The following GRID2 variants were observed in gnomAD, a reference collection of about 807,000 sequenced individuals.
The protein encoded by GRID2 is glutamate receptor ionotropic, delta-2.
Under a neutral mutation model 114.8 loss-of-function variants are expected in GRID2, and 33 were observed. That is an observed-to-expected ratio of 0.29 (90% CI 0.22 to 0.38). The LOEUF is 0.38. Ranked by LOEUF, GRID2 falls within the 10% of genes least tolerant of loss-of-function variation. The pLI is 1.00. For synonymous variants in GRID2, 505 were observed against 449.9 expected (o/e 1.12, Z -1.55); for missense variants, 1,184 against 1,257.7 (o/e 0.94, Z 0.89).
intron 2 of GRID2, among the ~76,000 whole-genome samples, chr4:93,007,344 T>TA (rs938477328): frequency 2.1e-4 from 32 of 151,188 alleles, no homozygotes; most frequent in African/African-American, 3.2e-4. Context: ...AAGGATATTT[T>TA]AAAAAAAAAC....
chr4:92,683,826 T>G (rs2149286738), intron 2 of GRID2, among the ~76,000 whole-genome samples: 1 of 151,994 alleles, frequency 6.6e-6, no homozygotes, highest in East Asian at 1.9e-4. Flanking sequence ...TCTTTCTTAA[T>G]TTTTAAATAT....
At chr4:92,829,504 T>C (rs1306383690) in intron 2 of GRID2, among the ~76,000 whole-genome samples, 2 of 152,122 alleles carry the variant, frequency 1.3e-5, no homozygotes, top group East Asian at 3.9e-4. Flanking sequence ...GTAAATTAGT[T>C]GAACCATTGT....
At chr4:93,417,650 T>A (rs1767855912) in intron 9 of GRID2, among the ~76,000 whole-genome samples, 2 of 151,956 alleles carry the variant, frequency 1.3e-5, no homozygotes, top group South Asian at 4.2e-4. Flanking sequence ...ACGTGTGAAT[T>A]CTTAAATAAT....
chr4:93,463,906 G>C (rs10007755), intron 11 of GRID2, among the ~76,000 whole-genome samples: 2 of 151,536 alleles, frequency 1.3e-5, no homozygotes, highest in Non-Finnish European at 2.9e-5. Flanking sequence ...GGAGAATGGC[G>C]TGAACCTGGG....
At chr4:92,955,630 A>G (rs1171009955) in intron 2 of GRID2, among the ~76,000 whole-genome samples, 1 of 151,896 alleles carries the variant, frequency 6.6e-6, no homozygotes, top group East Asian at 1.9e-4. Context: ...ATTAGACCCC[A>G]TTTGTCAATT....
chr4:92,343,478 C>T (rs1036735493), intron 1 of GRID2, among the ~76,000 whole-genome samples: 1 of 152,154 alleles, frequency 6.6e-6, no homozygotes, highest in Middle Eastern at 3.4e-3. Context: ...CTTAACTACT[C>T]ATAGCCTACT....
At chr4:93,247,209 C>T (rs1354648342) in intron 8 of GRID2, among the ~76,000 whole-genome samples, 1 of 152,120 alleles carries the variant, frequency 6.6e-6, no homozygotes, top group Non-Finnish European at 1.5e-5. Context: ...ACTATAAAAT[C>T]TGAACTGTTT....
At chr4:93,112,059 T>C (rs1324257909) in intron 4 of GRID2, 1 of 152,130 alleles carries the variant, frequency 6.6e-6, no homozygotes, top group Non-Finnish European at 1.5e-5. Flanking sequence ...CATTTTTTCA[T>C]AATATAAAAT....
intron 2 of GRID2, among the ~76,000 whole-genome samples, chr4:93,060,113 G>T (rs919632178): frequency 3.3e-5 from 5 of 151,836 alleles, no homozygotes; most frequent in African/African-American, 1.2e-4. Flanking sequence ...AGTTTGCTTT[G>T]GCATGAAATG....
chr4:93,608,067 A>C (rs370451355), intron 13 of GRID2, among the ~76,000 whole-genome samples: 2 of 140,430 alleles, frequency 1.4e-5, no homozygotes, highest in South Asian at 2.2e-4. Flanking sequence ...TACGTATATA[A>C]GTATATATAT....
At chr4:93,155,243 T>A (rs1411150525) in intron 4 of GRID2, among the ~76,000 whole-genome samples, 1 of 151,928 alleles carries the variant, frequency 6.6e-6, no homozygotes, top group Non-Finnish European at 1.5e-5. Context: ...ATCCTTGAAA[T>A]CATGTTATAT....
intron 1 of GRID2, among the ~76,000 whole-genome samples, chr4:92,519,698 A>G (rs1724674507): frequency 6.6e-6 from 1 of 151,748 alleles, no homozygotes; most frequent in African/African-American, 2.4e-5. Context: ...AAGTCCCAAG[A>G]TCTCCATTTA....
In GRID2 at chr4:93,281,401, C is replaced by A. The variant is rs564698560; in HGVS notation, c.1245+42911C>A. ...GCAAGAGTGAAAGTCAGAGAAAAAA[C>A]AGGGAGAGAACAGTCATTGCAGGAA... On this transcript the variant is annotated intron_variant, in intron 8 of 15. Transcript: ENST00000282020. 2.0e-5 allele frequency among the ~76,000 whole-genome samples: 3 copies of A among 151,866 alleles called. No homozygotes were observed. In the South Asian group the frequency reaches 6.2e-4, roughly 32 times the overall value.
chr4:92,712,683 G>A (rs1333517555), intron 2 of GRID2, among the ~76,000 whole-genome samples: 1 of 151,948 alleles, frequency 6.6e-6, no homozygotes, highest in Non-Finnish European at 1.5e-5. Flanking sequence ...TAGTTTGCAG[G>A]ATTCTCTTAT....
chr4:92,673,143 T>A (rs1733158325), intron 2 of GRID2, among the ~76,000 whole-genome samples: 1 of 152,290 alleles, frequency 6.6e-6, no homozygotes, highest in East Asian at 1.9e-4. Context: ...ACTATTTGAT[T>A]TTTAATGACA....
chr4:92,768,075 C>T (rs1738353680), intron 2 of GRID2, among the ~76,000 whole-genome samples: 1 of 152,008 alleles, frequency 6.6e-6, no homozygotes, highest in Admixed American at 6.6e-5. Context: ...ACATATTGAG[C>T]AATACTAAAA....
intron 13 of GRID2, among the ~76,000 whole-genome samples, chr4:93,592,420 G>A (rs1738465946): frequency 6.6e-6 from 1 of 152,158 alleles, no homozygotes; most frequent in Admixed American, 6.5e-5. Flanking sequence ...TGGTCTGAGA[G>A]GTAGTTTGTT....
At chr4:93,068,708 A>G (rs968088457) in intron 2 of GRID2, among the ~76,000 whole-genome samples, 1 of 151,864 alleles carries the variant, frequency 6.6e-6, no homozygotes, top group African/African-American at 2.4e-5. Flanking sequence ...AAAAAAATTC[A>G]GTAATCTCGT....
intron 8 of GRID2, among the ~76,000 whole-genome samples, chr4:93,277,832 T>G (rs1467105297): frequency 1.3e-5 from 2 of 151,960 alleles, no homozygotes; most frequent in Non-Finnish European, 2.9e-5. Flanking sequence ...GTATTTATAG[T>G]GTTTTCAAAG....
Sources: allele counts gnomAD v4.1 joint callset (sites outside exome capture counted in the v4.1 genomes callset), GRCh38; gene constraint gnomAD v4.1.1; transcripts MANE v1.5; gene names NCBI Gene and HGNC (gene_info 2026-07-23, HGNC 2026-07-21).